The following PKD1L3 variants were observed in gnomAD, a reference collection of about 807,000 sequenced individuals.
PKD1L3 encodes the protein polycystin-1-like protein 3.
In PKD1L3, 239 loss-of-function variants were observed where a neutral mutation model predicts 184.1. The observed-to-expected ratio is 1.30, with a 90% CI of 1.17 to 1.45. The LOEUF is 1.45. Ranked by LOEUF, PKD1L3 falls within the 40% of genes most tolerant of loss-of-function variation. The pLI, the probability that PKD1L3 is intolerant of heterozygous loss-of-function variation, is 0.00. For synonymous variants in PKD1L3, 996 were observed against 778.8 expected (o/e 1.28, Z -4.64); for missense variants, 2,660 against 2,067.2 (o/e 1.29, Z -5.56).
intron 25 of PKD1L3, among the ~76,000 whole-genome samples, chr16:71,936,648 C>A (rs1037420045): frequency 2.0e-5 from 3 of 151,214 alleles, no homozygotes; most frequent in Non-Finnish European, 3.0e-5. Context: ...CCACCACGCC[C>A]GGCTAAATTT....
At chr16:71,982,440 C>T (rs143053380) in intron 6 of PKD1L3, among the ~76,000 whole-genome samples, 15 of 151,790 alleles carry the variant, frequency 9.9e-5, no homozygotes, top group African/African-American at 3.6e-4. Context: ...CATGAGCCAC[C>T]ATGCTCAACT....
intron 24 of PKD1L3, among the ~76,000 whole-genome samples, chr16:71,939,998 G>A (rs1242736944): frequency 2.0e-5 from 3 of 152,126 alleles, no homozygotes; most frequent in Non-Finnish European, 4.4e-5. Flanking sequence ...AGCTGTACAG[G>A]AAACCCGGAA....
Position 71,973,403 on chromosome 16 carries a change from AAG to A in PKD1L3, c.1872_1873del (p.Leu625GlyfsTer41), listed in dbSNP as rs2039794604. 2.6e-6 allele frequency: 4 copies of A among 1,551,488 alleles called. No homozygotes were observed. The highest frequency in any genetic ancestry group is 3.5e-6 in the Non-Finnish European group (4 of 1,146,986). On this transcript the variant is annotated frameshift_variant, in exon 12 of 30. Coordinates refer to ENST00000620267, the MANE Select transcript of PKD1L3 (RefSeq NM_181536.2). LOFTEE classifies it high-confidence loss of function. Reference sequence around the variant, plus strand: ...AGTGACGGCGGTGATGACCGAGACCAAGCTGGGTGTCTGCTGAGCACCCTCCT... The same window carrying A: ...AGTGACGGCGGTGATGACCGAGACCACTGGGTGTCTGCTGAGCACCCTCCT...
At chr16:71,992,489 G>C (rs2040627505) in intron 3 of PKD1L3, among the ~76,000 whole-genome samples, 1 of 152,114 alleles carries the variant, frequency 6.6e-6, no homozygotes. Flanking sequence ...TAACATCATT[G>C]CATTAATTAT....
chr16:71,980,643 G>A (rs1422522339), intron 7 of PKD1L3, among the ~76,000 whole-genome samples: 2 of 152,130 alleles, frequency 1.3e-5, no homozygotes, highest in Non-Finnish European at 2.9e-5. Context: ...AGACCTACCT[G>A]GCCGACATTG....
chr16:71,935,270 G>A, intron 26 of PKD1L3, 88 bp downstream of exon 26: 1 of 1,324,740 alleles, frequency 7.5e-7, no homozygotes, highest in South Asian at 1.5e-5. Context: ...TACAGATCTG[G>A]TAGGGGAGTT....
rs1310329518 is a variant in PKD1L3, at chr16:71,949,760, G to T, written c.3618+23C>A. ...TTCCCCTAACTTCTGCAACTCCAAT[G>T]GTTCTTCCCATCCCTCACATACCTT... On this transcript the variant is annotated intron_variant, in intron 21 of 29. Coordinates refer to ENST00000620267, the MANE Select transcript of PKD1L3 (RefSeq NM_181536.2). 29 of 1,538,912 alleles carry T rather than the reference G, an allele frequency of 1.9e-5. No individual in the cohort carries two copies. The East Asian group carries it at 6.9e-4, about 36-fold the overall frequency.
chr16:71,942,421 G>A (rs2038391929), intron 24 of PKD1L3, 139 bp downstream of exon 24: 1 of 661,826 alleles, frequency 1.5e-6, no homozygotes, highest in African/African-American at 1.8e-5. Flanking sequence ...CACTTTTGGA[G>A]ATGTAAGTCT....
intron 25 of PKD1L3, among the ~76,000 whole-genome samples, chr16:71,936,034 G>T (rs1417802699): frequency 6.6e-6 from 1 of 151,748 alleles, no homozygotes; most frequent in Non-Finnish European, 1.5e-5. Flanking sequence ...GGCTTCAAGT[G>T]ATCTGCCTAC....
chr16:71,965,453 GC>G (rs1285512846), intron 15 of PKD1L3, among the ~76,000 whole-genome samples: 1 of 152,090 alleles, frequency 6.6e-6, no homozygotes, highest in African/African-American at 2.4e-5. Context: ...CAAGAAACTG[GC>G]AAGCTGTTCT....
At chr16:71,981,179 C>G (rs1447922191) in intron 7 of PKD1L3, among the ~76,000 whole-genome samples, 1 of 152,204 alleles carries the variant, frequency 6.6e-6, no homozygotes, top group African/African-American at 2.4e-5. Flanking sequence ...TTAAACCATG[C>G]TGCTACAAAC....
intron 2 of PKD1L3, among the ~76,000 whole-genome samples, chr16:71,993,971 T>C (rs2040689653): frequency 1.3e-5 from 2 of 152,146 alleles, no homozygotes; most frequent in Non-Finnish European, 2.9e-5. Flanking sequence ...GGTTTCACCA[T>C]GTTGGCCAGG....
chr16:71,972,220 A>T (rs2039740156), intron 12 of PKD1L3, among the ~76,000 whole-genome samples: 1 of 150,154 alleles, frequency 6.7e-6, no homozygotes, highest in South Asian at 2.1e-4. Flanking sequence ...GTCTCAAAAA[A>T]ACACACAAAA....
At chr16:71,990,408 T>C in intron 3 of PKD1L3, 79 bp from the exon 4 acceptor site, 5 of 1,218,118 alleles carry the variant, frequency 4.1e-6, no homozygotes, top group Non-Finnish European at 5.8e-6. Context: ...GACTTCTTAT[T>C]CATGGCTAAA....
At position 71,978,279 on chromosome 16, in the gene PKD1L3, G is replaced by C. The variant is rs1203208299; in HGVS notation, c.1503C>G (p.Val501=). The C allele has an allele frequency of 1.3e-6, 2 of 1,549,904 alleles. No individual in the cohort carries two copies. Among genetic ancestry groups the C allele is most frequent in the Admixed American group, 3.9e-5 (2 of 50,906 alleles). ...LLSANRKLLQ[V]HDLMEDIEIM... ...CCTCAATGTCCTCCATTAAATCATG[G>C]ACTTGGAGCAATTTACGATTAGCGC... Residue 501 remains valine (V), a synonymous_variant, in exon 10 of 30, where the codon GTC becomes GTG. Coordinates refer to ENST00000620267, the MANE Select transcript of PKD1L3 (RefSeq NM_181536.2).
At chr16:71,963,141 C>T in intron 16 of PKD1L3, 64 bp downstream of exon 16, 5 of 1,399,820 alleles carry the variant, frequency 3.6e-6, no homozygotes, top group South Asian at 1.5e-5. Flanking sequence ...ACAATTCAAT[C>T]GTGAACAATT....
In PKD1L3 at chr16:71,954,159, T is replaced by C. The variant is rs558328073; in HGVS notation, c.2755A>G (p.Ile919Val). The change falls in exon 17 of 30, where the codon ATC becomes GTC. Residue 919 changes from isoleucine (I) to valine (V), a missense_variant. Physicochemically the swap from Ile to Val is conservative, Grantham distance 29 (BLOSUM62 3). Coordinates refer to ENST00000620267, the MANE Select transcript of PKD1L3 (RefSeq NM_181536.2). ...TTTATCTTCCAGAACATAACATTGA[T>C]GACCATGTTGCAGAGTAGCAGTGTC... is the stretch of plus-strand genomic sequence containing the variant. ...CMTLLLCNMVINVMFWKINST... is the reference protein window; with the variant it reads ...CMTLLLCNMVVNVMFWKINST... The C allele has an allele frequency of 3.4e-5, 53 of 1,551,174 alleles. No homozygotes were observed. In the East Asian group the frequency reaches 1.2e-3, roughly 35 times the overall value.
intron 28 of PKD1L3, among the ~76,000 whole-genome samples, chr16:71,932,870 C>A (rs1678222107): frequency 1.4e-5 from 2 of 146,902 alleles, no homozygotes; most frequent in South Asian, 4.5e-4. Context: ...GCTTCCAACT[C>A]CTGGGCTCAC....
chr16:71,961,511 A>G (rs974842965), intron 16 of PKD1L3, among the ~76,000 whole-genome samples: 2 of 152,000 alleles, frequency 1.3e-5, no homozygotes, highest in Non-Finnish European at 2.9e-5. Flanking sequence ...CTGGAGGGAG[A>G]CAGCCACCCC....
Sources: allele counts gnomAD v4.1 joint callset (sites outside exome capture counted in the v4.1 genomes callset), GRCh38; gene constraint gnomAD v4.1.1; transcripts MANE v1.5; gene names NCBI Gene and HGNC (gene_info 2026-07-23, HGNC 2026-07-21).